TIFAB: variants seen among roughly 807,000 people sequenced by gnomAD.
TIFAB encodes the protein TRAF-interacting protein with FHA domain-containing protein B.
For synonymous variants in TIFAB, 116 were observed against 95.2 expected (o/e 1.22, Z -1.27); for missense variants, 222 against 203.6 (o/e 1.09, Z -0.55).
intron 1 of TIFAB, 58 bp from the exon 2 acceptor site, chr5:135,450,007 C>G: frequency 1.3e-6 from 2 of 1,506,270 alleles, no homozygotes; most frequent in Non-Finnish European, 8.9e-7. Context: ...CTCTGTGGCT[C>G]CCTGAGCCCA....
rs1488279183 is a variant in TIFAB, at chr5:135,446,908, G to C, written c.*2546C>G. The stretch of plus-strand genomic sequence containing the variant: ...AGGTTTTGTTCCTCCCTGGAGGGTA[G>C]AGACCCTCACTGAGGCCCTGGAGAG... On this transcript the variant is annotated 3_prime_UTR_variant, in exon 2 of 2. Coordinates refer to ENST00000537858, the MANE Select transcript of TIFAB (RefSeq NM_001099221.2). The C allele has an allele frequency of 6.2e-7, 1 of 1,613,432 alleles. No homozygotes were observed. Among genetic ancestry groups the C allele is most frequent in the Non-Finnish European group, 8.5e-7 (1 of 1,179,576 alleles).
chr5:135,446,161 T>C lies in TIFAB; in HGVS notation c.*3293A>G, dbSNP rs779879834. 3.5e-6 allele frequency: 2 copies of C among 574,024 alleles called. No individual in the cohort carries two copies. The highest frequency in any genetic ancestry group is 5.9e-6 in the Non-Finnish European group (2 of 339,880). The allele number at this position is 574,024 out of a possible 1,614,324, so 35.6% of individuals were successfully genotyped here. On this transcript the variant is annotated 3_prime_UTR_variant, in exon 2 of 2. Transcript: ENST00000537858. ...CTAAGGAGGTAAGTACTGTGAACTT[T>C]CCCGTTTTCTACAAGAAGAAACTGT...
In TIFAB at chr5:135,446,482, T is replaced by C; in HGVS notation, c.*2972A>G. ...GGCTGTCTGAGCAGGTGAGGGATAG[T>C]GATATCAAGTGCGAAGACCAGGCCC... On this transcript the variant is annotated 3_prime_UTR_variant, in exon 2 of 2. Transcript: ENST00000537858. 6.2e-7 allele frequency: 1 copy of C among 1,613,906 alleles called. No homozygotes were observed. Among genetic ancestry groups the C allele is most frequent in the Non-Finnish European group, 8.5e-7 (1 of 1,179,878 alleles).
rs560339780 is a variant in TIFAB, at chr5:135,446,736, G to C, written c.*2718C>G. On this transcript the variant is annotated 3_prime_UTR_variant, in exon 2 of 2. Coordinates refer to ENST00000537858, the MANE Select transcript of TIFAB (RefSeq NM_001099221.2). ...ACCAGATGTTTCCGGGCTCCCTCCC[G>C]CCTGGTCTGGCCTGTCTTCCTTCTG... 6.8e-6 allele frequency: 11 copies of C among 1,613,926 alleles called. No homozygotes were observed. The African/African-American group carries it at 8.0e-5, about 12-fold the overall frequency.
chr5:135,446,892 T>C lies in TIFAB; in HGVS notation c.*2562A>G. 5.6e-6 allele frequency: 9 copies of C among 1,613,652 alleles called. No individual in the cohort carries two copies. The highest frequency in any genetic ancestry group is 7.6e-6 in the Non-Finnish European group (9 of 1,179,728). On this transcript the variant is annotated 3_prime_UTR_variant, in exon 2 of 2. Coordinates refer to ENST00000537858, the MANE Select transcript of TIFAB (RefSeq NM_001099221.2). ...AGGACCCCAGCTGGCAAGGTTTTGT[T>C]CCTCCCTGGAGGGTAGAGACCCTCA... is the stretch of plus-strand genomic sequence containing the variant.
chr5:135,446,885 G>T lies in TIFAB; in HGVS notation c.*2569C>A. 6.2e-7 allele frequency: 1 copy of T among 1,613,858 alleles called. No individual in the cohort carries two copies. Among genetic ancestry groups the T allele is most frequent in the Non-Finnish European group, 8.5e-7 (1 of 1,179,820 alleles). ...CTCTCGCAGGACCCCAGCTGGCAAG[G>T]TTTTGTTCCTCCCTGGAGGGTAGAG... On this transcript the variant is annotated 3_prime_UTR_variant, in exon 2 of 2. Coordinates refer to ENST00000537858, the MANE Select transcript of TIFAB (RefSeq NM_001099221.2).
Position 135,449,799 on chromosome 5 carries a change from C to A in TIFAB, c.141G>T (p.Gln47His). 1.9e-6 allele frequency: 3 copies of A among 1,610,570 alleles called. No individual in the cohort carries two copies. Among genetic ancestry groups the A allele is most frequent in the Non-Finnish European group, 2.5e-6 (3 of 1,177,206 alleles). ...GGCGGGAGAGGCGAGGGAGCTGCAG[C>A]TGGAGGTGGGCGTCCTGCCCCCGTC... is the stretch of plus-strand genomic sequence containing the variant. ...LLGRGQDAHL[Q>H]LQLPRLSRRH... is the part of the protein sequence containing the mutation. The change falls in exon 2 of 2, where the codon CAG becomes CAT. Residue 47 changes from glutamine (Q) to histidine (H), a missense_variant. By Grantham distance (24) the Gln-to-His change is conservative. Coordinates refer to ENST00000537858, the MANE Select transcript of TIFAB (RefSeq NM_001099221.2).
rs1489018041 is a variant in TIFAB, at chr5:135,446,686, G to C, written c.*2768C>G. The C allele has an allele frequency of 6.2e-7, 1 of 1,613,810 alleles. No homozygotes were observed. The highest frequency in any genetic ancestry group is 8.5e-7 in the Non-Finnish European group (1 of 1,179,798). On this transcript the variant is annotated 3_prime_UTR_variant, in exon 2 of 2. Transcript: ENST00000537858. ...TTCCCGGTGAGACTGTGTGAACTGTGAACGGGTAGAGTCTGAAACTACAAA... is the reference window on the plus strand; with the variant it reads ...TTCCCGGTGAGACTGTGTGAACTGTCAACGGGTAGAGTCTGAAACTACAAA...
rs1025116587 is a variant in TIFAB, at chr5:135,448,779, G to A, written c.*675C>T. ...CCTTTCCAATTTCCTCTTACACCTC[G>A]TCTATATTTCCCACCCCCACGTCTG... On this transcript the variant is annotated 3_prime_UTR_variant, in exon 2 of 2. Transcript: ENST00000537858. 2.0e-5 allele frequency: 3 copies of A among 152,306 alleles called. No individual in the cohort carries two copies. The highest frequency in any genetic ancestry group is 4.8e-5 in the African/African-American group (2 of 41,382). 9.4% of individuals were successfully genotyped at this position (152,306 alleles called of 1,614,324 possible). A position where few individuals can be genotyped will look rare whatever the true frequency, so the allele number is the denominator to read the frequency against.
Position 135,447,142 on chromosome 5 carries a change from C to T in TIFAB, c.*2312G>A, listed in dbSNP as rs1278070659. Reference sequence around the variant, plus strand: ...GACCATTTTGGTCAGTGACAGATCACTGCTGCTTTTCATCAGACCAAAATA... The same window carrying T: ...GACCATTTTGGTCAGTGACAGATCATTGCTGCTTTTCATCAGACCAAAATA... On this transcript the variant is annotated 3_prime_UTR_variant, in exon 2 of 2. Coordinates refer to ENST00000537858, the MANE Select transcript of TIFAB (RefSeq NM_001099221.2). 3 of 1,613,722 alleles carry T rather than the reference C, an allele frequency of 1.9e-6. No homozygotes were observed. Among genetic ancestry groups the T allele is most frequent in the South Asian group, 1.1e-5 (1 of 91,016 alleles).
Position 135,449,941 on chromosome 5 carries a change from G to T in TIFAB, c.-2C>A. On this transcript the variant is annotated 5_prime_UTR_variant, in exon 2 of 2. Coordinates refer to ENST00000537858, the MANE Select transcript of TIFAB (RefSeq NM_001099221.2). The stretch of plus-strand genomic sequence containing the variant: ...CAGGACGGTGAGGGGCTTCTCCATG[G>T]AAGAAGTCCTGGGAAGTTGGAACAT... 6.6e-7 allele frequency: 1 copy of T among 1,517,522 alleles called. No homozygotes were observed. The highest frequency in any genetic ancestry group is 8.8e-7 in the Non-Finnish European group (1 of 1,132,772). 94.0% of individuals were successfully genotyped at this position (1,517,522 alleles called of 1,614,324 possible). A position where few individuals can be genotyped will look rare whatever the true frequency, so the allele number is the denominator to read the frequency against.
In TIFAB at chr5:135,448,778, C is replaced by T. The variant is rs1013343354; in HGVS notation, c.*676G>A. On this transcript the variant is annotated 3_prime_UTR_variant, in exon 2 of 2. Coordinates refer to ENST00000537858, the MANE Select transcript of TIFAB (RefSeq NM_001099221.2). The stretch of plus-strand genomic sequence containing the variant: ...ACCTTTCCAATTTCCTCTTACACCT[C>T]GTCTATATTTCCCACCCCCACGTCT... The T allele has an allele frequency of 1.3e-5, 2 of 152,418 alleles. No individual in the cohort carries two copies. Among genetic ancestry groups the T allele is most frequent in the Non-Finnish European group, 2.9e-5 (2 of 68,228 alleles). The allele number at this position is 152,418 out of a possible 1,614,324, so 9.4% of individuals were successfully genotyped here.
Position 135,449,931 on chromosome 5 carries a change from C to T in TIFAB, c.9G>A (p.Lys3=). 6.6e-7 allele frequency: 1 copy of T among 1,519,090 alleles called. No homozygotes were observed. Among genetic ancestry groups the T allele is most frequent in the Non-Finnish European group, 8.8e-7 (1 of 1,133,252 alleles). 94.1% of individuals were successfully genotyped at this position (1,519,090 alleles called of 1,614,324 possible). The change falls in exon 2 of 2, where the codon AAG becomes AAA. Residue 3 remains lysine (K), a synonymous_variant. Coordinates refer to ENST00000537858, the MANE Select transcript of TIFAB (RefSeq NM_001099221.2). ...GGCTCACTCGCAGGACGGTGAGGGGCTTCTCCATGGAAGAAGTCCTGGGAA... is the reference window on the plus strand; with the variant it reads ...GGCTCACTCGCAGGACGGTGAGGGGTTTCTCCATGGAAGAAGTCCTGGGAA... ME[K]PLTVLRVSLY...
Position 135,448,668 on chromosome 5 carries a change from G to A in TIFAB, c.*786C>T, listed in dbSNP as rs1769313604. On this transcript the variant is annotated 3_prime_UTR_variant, in exon 2 of 2. Transcript: ENST00000537858. The stretch of plus-strand genomic sequence containing the variant: ...GGATGAGGATGATAAGGGGGACAAT[G>A]AATTTCCAGGCAGGCCCAGCTCCCA... 6.6e-6 allele frequency: 1 copy of A among 152,180 alleles called. No homozygotes were observed. The highest frequency in any genetic ancestry group is 2.4e-5 in the African/African-American group (1 of 41,410). 9.4% of individuals were successfully genotyped at this position (152,180 alleles called of 1,614,324 possible).
intron 1 of TIFAB, among the ~76,000 whole-genome samples, chr5:135,451,517 A>G (rs1489055440): frequency 6.9e-6 from 1 of 145,158 alleles, no homozygotes; most frequent in East Asian, 2.0e-4. Context: ...GGAGTCTCAC[A>G]CTGTCACCCA....
In TIFAB at chr5:135,449,259, T is replaced by G; in HGVS notation, c.*195A>C. The G allele has an allele frequency of 2.4e-6, 2 of 839,566 alleles. No individual in the cohort carries two copies. The highest frequency in any genetic ancestry group is 3.6e-6 in the Non-Finnish European group (2 of 558,554). 52.0% of individuals were successfully genotyped at this position (839,566 alleles called of 1,614,324 possible). A position where few individuals can be genotyped will look rare whatever the true frequency, so the allele number is the denominator to read the frequency against. On this transcript the variant is annotated 3_prime_UTR_variant, in exon 2 of 2. Coordinates refer to ENST00000537858, the MANE Select transcript of TIFAB (RefSeq NM_001099221.2). ...AGCCAGTGGGTTTTGCTTGTCAACC[T>G]TGCATGATGCAGCTCAAGTATTTCA...
Position 135,447,180 on chromosome 5 carries a change from TCTC to T in TIFAB, c.*2271_*2273del. 4 of 1,592,306 alleles carry T rather than the reference TCTC, an allele frequency of 2.5e-6. No individual in the cohort carries two copies. The highest frequency in any genetic ancestry group is 2.2e-5 in the East Asian group (1 of 44,748). ...TCAGACCAAAATACATGTGGCTTCTTCTCCTTGCCAGCCCTACCAGGGCATCTC... is the reference window on the plus strand; with the variant it reads ...TCAGACCAAAATACATGTGGCTTCTTCTTGCCAGCCCTACCAGGGCATCTC... On this transcript the variant is annotated 3_prime_UTR_variant, in exon 2 of 2. Coordinates refer to ENST00000537858, the MANE Select transcript of TIFAB (RefSeq NM_001099221.2).
rs1440971686 is a variant in TIFAB, at chr5:135,444,460, C to A, written c.*4994G>T. 1.3e-5 allele frequency: 2 copies of A among 152,270 alleles called. No individual in the cohort carries two copies. Among genetic ancestry groups the A allele is most frequent in the African/African-American group, 2.4e-5 (1 of 41,456 alleles). 9.4% of individuals were successfully genotyped at this position (152,270 alleles called of 1,614,324 possible). ...GGAAGCTGGAGGGAGGACCTGTTAACCTCATGGTACTGTGGCGACATCAGC... is the reference window on the plus strand; with the variant it reads ...GGAAGCTGGAGGGAGGACCTGTTAAACTCATGGTACTGTGGCGACATCAGC... On this transcript the variant is annotated 3_prime_UTR_variant, in exon 2 of 2. Transcript: ENST00000537858.
Position 135,449,922 on chromosome 5 carries a change from G to A in TIFAB, c.18C>T (p.Thr6=), listed in dbSNP as rs1038610478. Residue 6 remains threonine (T), a synonymous_variant, in exon 2 of 2, where the codon ACC becomes ACT. Transcript: ENST00000537858. MEKPL[T]VLRVSLYHPT... The stretch of plus-strand genomic sequence containing the variant: ...GATGGTACAGGCTCACTCGCAGGAC[G>A]GTGAGGGGCTTCTCCATGGAAGAAG... 2 of 1,521,242 alleles carry A rather than the reference G, an allele frequency of 1.3e-6. No individual in the cohort carries two copies. The highest frequency in any genetic ancestry group is 1.8e-6 in the Non-Finnish European group (2 of 1,134,222). The allele number at this position is 1,521,242 out of a possible 1,614,324, so 94.2% of individuals were successfully genotyped here.
Sources: allele counts gnomAD v4.1 joint callset (sites outside exome capture counted in the v4.1 genomes callset), GRCh38; gene constraint gnomAD v4.1.1; transcripts MANE v1.5; gene names NCBI Gene and HGNC (gene_info 2026-07-23, HGNC 2026-07-21).